GRIA4: variants seen among roughly 807,000 people sequenced by gnomAD.
GRIA4 encodes glutamate ionotropic receptor AMPA type subunit 4.
In GRIA4, 34 loss-of-function variants were observed where a neutral mutation model predicts 104.0. The ratio of observed to expected loss-of-function variants is 0.33; its 90% confidence interval spans 0.25 to 0.44. The LOEUF (loss-of-function observed/expected upper bound fraction) is 0.44. Among genes scored for constraint, GRIA4 ranks in the 20% least tolerant of loss-of-function variants. The pLI, the probability that GRIA4 is intolerant of heterozygous loss-of-function variation, is 1.00. For missense variants in GRIA4, 750 were observed against 1,096.5 expected (o/e 0.68, Z 4.46); for synonymous variants, 386 against 381.9 (o/e 1.01, Z -0.13).
At chr11:105,957,941 T>C (rs1361272450) in intron 14 of GRIA4, among the ~76,000 whole-genome samples, 1 of 152,210 alleles carries the variant, frequency 6.6e-6, no homozygotes, top group Non-Finnish European at 1.5e-5. Flanking sequence ...GGAATGCTTG[T>C]GATTTTTGGA....
intron 3 of GRIA4, among the ~76,000 whole-genome samples, chr11:105,615,406 T>C (rs996577054): frequency 4.0e-5 from 6 of 151,874 alleles, no homozygotes; most frequent in African/African-American, 9.7e-5. Flanking sequence ...TTTTGGCTTA[T>C]AGTTTATTCC....
At chr11:105,669,335 G>T (rs973021349) in intron 3 of GRIA4, among the ~76,000 whole-genome samples, 1 of 151,692 alleles carries the variant, frequency 6.6e-6, no homozygotes, top group African/African-American at 2.4e-5. Flanking sequence ...TGTATATATA[G>T]AAATAGTCAT....
At chr11:105,946,112 T>C (rs1353097960) in intron 14 of GRIA4, among the ~76,000 whole-genome samples, 1 of 152,176 alleles carries the variant, frequency 6.6e-6, no homozygotes, top group Non-Finnish European at 1.5e-5. Context: ...TTGAGCATCA[T>C]CTCTCCATGC....
chr11:105,724,927 A>T (rs1002466278), intron 3 of GRIA4, among the ~76,000 whole-genome samples: 6 of 152,200 alleles, frequency 3.9e-5, no homozygotes, highest in African/African-American at 1.4e-4. Context: ...AAAATAATGA[A>T]GAGGTTGTCT....
intron 3 of GRIA4, among the ~76,000 whole-genome samples, chr11:105,682,042 A>C (rs901456173): frequency 6.7e-6 from 1 of 148,382 alleles, no homozygotes; most frequent in African/African-American, 2.6e-5. Flanking sequence ...TCTGTCTAAT[A>C]TAATAATAAT....
At chr11:105,693,122 A>C (rs1284848861) in intron 3 of GRIA4, among the ~76,000 whole-genome samples, 1 of 152,196 alleles carries the variant, frequency 6.6e-6, no homozygotes, top group East Asian at 1.9e-4. Context: ...TAAACATCAT[A>C]AACAAATAAA....
At chr11:105,774,052 A>T (rs1941345352) in intron 4 of GRIA4, among the ~76,000 whole-genome samples, 1 of 151,702 alleles carries the variant, frequency 6.6e-6, no homozygotes, top group Non-Finnish European at 1.5e-5. Context: ...CATTTATAAA[A>T]ATTGACTATA....
At chr11:105,954,948 A>T (rs1591483053) in intron 14 of GRIA4, among the ~76,000 whole-genome samples, 2 of 149,272 alleles carry the variant, frequency 1.3e-5, no homozygotes, top group East Asian at 3.9e-4. Context: ...ATAAAATGTT[A>T]TATATATAAT....
At chr11:105,728,397 T>C (rs1192621508) in intron 3 of GRIA4, among the ~76,000 whole-genome samples, 3 of 151,766 alleles carry the variant, frequency 2.0e-5, no homozygotes. Context: ...TCCCACACAA[T>C]AATAGTGGGA....
At chr11:105,817,085 C>A (rs763449350) in intron 4 of GRIA4, among the ~76,000 whole-genome samples, 2 of 151,972 alleles carry the variant, frequency 1.3e-5, no homozygotes, top group African/African-American at 4.8e-5. Flanking sequence ...TGAATCCCAG[C>A]CTCTTCACTT....
At chr11:105,834,458 C>T (rs1197236392) in intron 4 of GRIA4, among the ~76,000 whole-genome samples, 1 of 152,046 alleles carries the variant, frequency 6.6e-6, no homozygotes, top group Non-Finnish European at 1.5e-5. Flanking sequence ...ATGAGTACAG[C>T]CTCACTAAAC....
chr11:105,768,176 C>T (rs1057456383), intron 4 of GRIA4, among the ~76,000 whole-genome samples: 1 of 152,046 alleles, frequency 6.6e-6, no homozygotes, highest in Non-Finnish European at 1.5e-5. Context: ...TGGCAGATGA[C>T]AAGGCAAGCA....
chr11:105,787,984 T>A (rs1942048013), intron 4 of GRIA4, among the ~76,000 whole-genome samples: 1 of 152,016 alleles, frequency 6.6e-6, no homozygotes. Context: ...AAGAAGAGCT[T>A]CTCCCCTCAG....
chr11:105,911,821 T>TA, intron 10 of GRIA4: 1 of 727,826 alleles, frequency 1.4e-6, no homozygotes, highest in South Asian at 3.0e-5. Context: ...TTTCTTTTCC[T>TA]AAAAAAGACA....
intron 3 of GRIA4, among the ~76,000 whole-genome samples, chr11:105,713,538 C>T (rs1490655275): frequency 6.6e-6 from 1 of 152,070 alleles, no homozygotes; most frequent in Non-Finnish European, 1.5e-5. Context: ...AAAAGCAATG[C>T]TTAATTTAGA....
At chr11:105,633,439 T>C (rs1378490802) in intron 3 of GRIA4, among the ~76,000 whole-genome samples, 1 of 152,244 alleles carries the variant, frequency 6.6e-6, no homozygotes, top group African/African-American at 2.4e-5. Context: ...ATATAGTTCA[T>C]AGCACAGTAT....
intron 3 of GRIA4, among the ~76,000 whole-genome samples, chr11:105,645,875 T>C (rs1056282961): frequency 4.6e-5 from 7 of 152,200 alleles, no homozygotes; most frequent in Non-Finnish European, 1.0e-4. Context: ...AAGCTTATCT[T>C]GAACAAAAGT....
At chr11:105,716,614 G>C (rs78029221) in intron 3 of GRIA4, among the ~76,000 whole-genome samples, 5,198 of 152,144 alleles carry the variant, frequency 0.034, 205 homozygotes, top group African/African-American at 0.091. Context: ...CATCATCACT[G>C]TACAGAAAAC....
intron 4 of GRIA4, among the ~76,000 whole-genome samples, chr11:105,774,247 A>G (rs1352212237): frequency 6.6e-6 from 1 of 151,614 alleles, no homozygotes; most frequent in Non-Finnish European, 1.5e-5. Context: ...CAAAAATTTA[A>G]TATAAAACTA....
Sources: gnomAD v4.1 joint callset for allele counts (sites outside exome capture counted in the v4.1 genomes callset) on GRCh38, gnomAD v4.1.1 for gene constraint, MANE v1.5 for transcripts, NCBI Gene and HGNC (gene_info 2026-07-23, HGNC 2026-07-21) for gene names.